GLCCI1: variants seen among roughly 807,000 people sequenced by gnomAD.
GLCCI1 encodes glucocorticoid induced 1.
In GLCCI1, 24 loss-of-function variants were observed where a neutral mutation model predicts 52.2. That is an observed-to-expected ratio of 0.46 (90% confidence interval 0.33 to 0.65). GLCCI1 has a LOEUF of 0.65. GLCCI1 is among the 30% of genes least tolerant of loss of function. The probability of loss-of-function intolerance (pLI) is 0.02; values close to 1 mark genes in which losing one functional copy is unlikely to be tolerated. For missense variants in GLCCI1, 704 were observed against 701.5 expected (o/e 1.00, Z -0.04); for synonymous variants, 310 against 276.5 (o/e 1.12, Z -1.20).
rs1021717468 is a variant in GLCCI1, at chr7:7,969,474, G to T, written c.124G>T (p.Gly42Cys). 2 of 1,061,514 alleles carry T rather than the reference G, an allele frequency of 1.9e-6. No homozygotes were observed. Among genetic ancestry groups the T allele is most frequent in the African/African-American group, 3.5e-5 (2 of 57,628 alleles). 65.8% of individuals were successfully genotyped at this position (1,061,514 alleles called of 1,614,324 possible). The stretch of plus-strand genomic sequence containing the variant: ...CGTCGCCGCCGCCGGGAGCGGGAAC[G>T]GTGCGGGCGGCGGCGGCGGCGTGGG... Reference protein sequence around the residue: ...PAVAAAGSGNGAGGGGGVGCA... With the variant: ...PAVAAAGSGNCAGGGGGVGCA... The change falls in exon 1 of 8, where the codon GGT becomes TGT. Residue 42 changes from glycine to cysteine, a missense_variant. Physicochemically the swap from Gly to Cys is radical, Grantham distance 159. This residue lies in a region of GLCCI1 where 547 missense variants were observed against 524.8 expected (regional missense o/e 1.04). Coordinates refer to ENST00000223145, the MANE Select transcript of GLCCI1 (RefSeq NM_138426.4). The surrounding 1 kb of genome is among the most constrained non-coding windows in gnomAD (Gnocchi z 4.9).
intron 3 of GLCCI1, among the ~76,000 whole-genome samples, chr7:8,047,699 T>G (rs1782163571): frequency 6.6e-6 from 1 of 152,216 alleles, no homozygotes; most frequent in South Asian, 2.1e-4. Context: ...CTTAAGAGCT[T>G]AATTACATAT....
At chr7:7,975,413 A>G (rs71533382) in intron 1 of GLCCI1, among the ~76,000 whole-genome samples, 5,800 of 151,786 alleles carry the variant, frequency 0.038, 225 homozygotes, top group East Asian at 0.17. Context: ...AGAAGAAAAC[A>G]TATATTTGTG....
intron 3 of GLCCI1, among the ~76,000 whole-genome samples, chr7:8,044,264 A>C (rs1475203144): frequency 6.6e-6 from 1 of 152,152 alleles, no homozygotes; most frequent in Non-Finnish European, 1.5e-5. Context: ...AATATTTTTA[A>C]AAGTTACACA....
At chr7:8,081,801 G>T (rs1782999102) in intron 6 of GLCCI1, among the ~76,000 whole-genome samples, 1 of 152,108 alleles carries the variant, frequency 6.6e-6, no homozygotes, top group Non-Finnish European at 1.5e-5. Context: ...TGTGTGATCT[G>T]TTTTAAAACA....
intron 6 of GLCCI1, among the ~76,000 whole-genome samples, chr7:8,073,502 CTCT>C (rs563389136): frequency 7.8e-4 from 118 of 152,040 alleles, no homozygotes; most frequent in African/African-American, 2.8e-3. Flanking sequence ...TATATTCATC[CTCT>C]TGTTTTTTTA....
chr7:7,992,005 G>A (rs1780846170), intron 1 of GLCCI1, among the ~76,000 whole-genome samples: 1 of 151,872 alleles, frequency 6.6e-6, no homozygotes, highest in African/African-American at 2.4e-5. Flanking sequence ...TCTAAGGCTA[G>A]CCAATTCAAT....
chr7:8,018,615 C>G (rs546460808), intron 2 of GLCCI1, among the ~76,000 whole-genome samples: 3 of 152,210 alleles, frequency 2.0e-5, no homozygotes, highest in African/African-American at 7.2e-5. Flanking sequence ...ATTTCATAGT[C>G]TGGACTTTGG....
intron 1 of GLCCI1, among the ~76,000 whole-genome samples, chr7:7,970,796 A>G (rs1460320119): frequency 6.6e-6 from 1 of 152,156 alleles, no homozygotes; most frequent in Non-Finnish European, 1.5e-5. Flanking sequence ...TGGAATAGCT[A>G]ATATTGTTAG....
chr7:8,029,257 G>C lies in GLCCI1; in HGVS notation c.696+6688G>C, dbSNP rs530764995. 2.0e-5 allele frequency among the ~76,000 whole-genome samples: 3 copies of C among 152,272 alleles called. No individual in the cohort carries two copies. The South Asian group carries it at 6.2e-4, about 32-fold the overall frequency. ...ATACTTTAAAAAGATCATTCATCCT[G>C]TCCAAGTGGGATTTATCCCAGGGAT... is the stretch of plus-strand genomic sequence containing the variant. On this transcript the variant is annotated intron_variant, in intron 3 of 7. Transcript: ENST00000223145.
chr7:8,044,920 C>T (rs1782088304), intron 3 of GLCCI1, among the ~76,000 whole-genome samples: 1 of 152,138 alleles, frequency 6.6e-6, no homozygotes, highest in East Asian at 1.9e-4. Context: ...TTGATGCTTA[C>T]AGTAAGTCCT....
intron 2 of GLCCI1, among the ~76,000 whole-genome samples, chr7:8,007,342 C>G (rs1323503071): frequency 6.6e-6 from 1 of 152,186 alleles, no homozygotes; most frequent in African/African-American, 2.4e-5. Flanking sequence ...GTACTACGTA[C>G]GTAGTACATC....
chr7:8,081,942 TA>T (rs1342956110), intron 6 of GLCCI1, among the ~76,000 whole-genome samples: 1 of 152,196 alleles, frequency 6.6e-6, no homozygotes, highest in Admixed American at 6.5e-5. Flanking sequence ...TGACATTAGC[TA>T]TGATGTTAAA....
chr7:8,079,432 T>G (rs1782947490), intron 6 of GLCCI1, among the ~76,000 whole-genome samples: 1 of 151,650 alleles, frequency 6.6e-6, no homozygotes, highest in African/African-American at 2.4e-5. Flanking sequence ...TTATTTTGTT[T>G]AGTTTTACCA....
intron 2 of GLCCI1, among the ~76,000 whole-genome samples, chr7:8,010,162 C>G (rs968872159): frequency 1.3e-5 from 2 of 152,116 alleles, no homozygotes; most frequent in Admixed American, 1.3e-4. Flanking sequence ...AAAATGTCAC[C>G]TCTTTTGAAA....
At chr7:8,048,907 T>G (rs1018918814) in intron 3 of GLCCI1, among the ~76,000 whole-genome samples, 7 of 152,198 alleles carry the variant, frequency 4.6e-5, no homozygotes, top group African/African-American at 1.4e-4. Flanking sequence ...GCTTTTACAA[T>G]AAGCAGTAAG....
At chr7:8,032,484 G>A (rs1781776654) in intron 3 of GLCCI1, among the ~76,000 whole-genome samples, 1 of 151,974 alleles carries the variant, frequency 6.6e-6, no homozygotes, top group Non-Finnish European at 1.5e-5. Context: ...GATCACTAAA[G>A]TTGAAAAACA....
At chr7:8,036,368 A>G (rs1397529864) in intron 3 of GLCCI1, among the ~76,000 whole-genome samples, 1 of 152,196 alleles carries the variant, frequency 6.6e-6, no homozygotes, top group Non-Finnish European at 1.5e-5. Context: ...GCCATACACA[A>G]CATATATTAT....
intron 3 of GLCCI1, among the ~76,000 whole-genome samples, chr7:8,052,468 C>G (rs975671232): frequency 6.6e-6 from 1 of 152,152 alleles, no homozygotes; most frequent in Non-Finnish European, 1.5e-5. Flanking sequence ...AGTTAGATGT[C>G]TCACACCCAG....
At chr7:8,023,588 C>CCTTTTTTT (rs1781543370) in intron 3 of GLCCI1, among the ~76,000 whole-genome samples, 1 of 41,984 alleles carries the variant, frequency 2.4e-5, no homozygotes, top group African/African-American at 1.0e-4. Flanking sequence ...CTCTGTTATT[C>CCTTTTTTT]TTTTTTTTTT....
Sources: allele counts gnomAD v4.1 joint callset (sites outside exome capture counted in the v4.1 genomes callset), GRCh38; gene constraint gnomAD v4.1.1; regional missense constraint gnomAD v4.1.1; non-coding constraint Gnocchi (gnomAD v3.1); transcripts MANE v1.5; gene names NCBI Gene and HGNC (gene_info 2026-07-23, HGNC 2026-07-21).